Variants in PODXL2 observed in about 807,000 individuals in gnomAD.
PODXL2 encodes the protein podocalyxin-like protein 2.
A neutral mutation model predicts 53.4 loss-of-function variants in PODXL2; 17 were observed. The ratio of observed to expected loss-of-function variants is 0.32; its 90% CI spans 0.22 to 0.48. The LOEUF is 0.48. PODXL2 is among the 20% of genes least tolerant of loss of function. The pLI, the probability that PODXL2 is intolerant of heterozygous loss-of-function variation, is 0.99. For missense variants in PODXL2, 673 were observed against 760.0 expected, an observed-to-expected ratio of 0.89 and a Z score of 1.35; for synonymous variants, 311 against 306.7, an observed-to-expected ratio of 1.01 and a Z score of -0.15.
chr3:127,657,825 C>T (rs955859029), intron 2 of PODXL2, among the ~76,000 whole-genome samples: 1 of 152,164 alleles, frequency 6.6e-6, no homozygotes, highest in Admixed American at 6.5e-5. Flanking sequence ...ATAGATCTGG[C>T]TATTATAAAG....
intron 1 of PODXL2, among the ~76,000 whole-genome samples, chr3:127,638,647 G>A (rs952634776): frequency 2.6e-5 from 4 of 152,044 alleles, no homozygotes; most frequent in Non-Finnish European, 4.4e-5. Flanking sequence ...CCTGGGAGGC[G>A]GAGATTGCAG....
chr3:127,634,317 C>T (rs1043494355), intron 1 of PODXL2, among the ~76,000 whole-genome samples: 16 of 151,822 alleles, frequency 1.1e-4, no homozygotes, highest in East Asian at 1.9e-4. Context: ...CCCTGCTACT[C>T]GGGAGGCTGA....
intron 1 of PODXL2, among the ~76,000 whole-genome samples, chr3:127,633,503 G>T (rs1359559516): frequency 6.9e-5 from 10 of 145,086 alleles, no homozygotes; most frequent in African/African-American, 1.3e-4. Context: ...TGTGTGTGTG[G>T]GAGAAACCAG....
chr3:127,640,477 G>A (rs2074608885), intron 2 of PODXL2, among the ~76,000 whole-genome samples: 1 of 152,088 alleles, frequency 6.6e-6, no homozygotes, highest in African/African-American at 2.4e-5. Flanking sequence ...GAGGCGGGTG[G>A]ATCACTTGGG....
At chr3:127,630,100 A>G (rs1258071301) in intron 1 of PODXL2, among the ~76,000 whole-genome samples, 1 of 151,830 alleles carries the variant, frequency 6.6e-6, no homozygotes, top group African/African-American at 2.4e-5. Flanking sequence ...TCCAGCGCAG[A>G]CGGGGATTTA....
intron 4 of PODXL2, chr3:127,665,982 T>C (rs1293146847): frequency 2.2e-6 from 1 of 456,666 alleles, no homozygotes; most frequent in African/African-American, 2.0e-5. Flanking sequence ...GTGTCACTGC[T>C]TCTAGGCCCT....
At chr3:127,651,229 C>T (rs1037141238) in intron 2 of PODXL2, among the ~76,000 whole-genome samples, 7 of 152,180 alleles carry the variant, frequency 4.6e-5, no homozygotes, top group South Asian at 2.1e-4. Context: ...TGCCATTGCA[C>T]TCCAGCCTGG....
At chr3:127,635,821 A>G (rs925936723) in intron 1 of PODXL2, among the ~76,000 whole-genome samples, 4 of 152,228 alleles carry the variant, frequency 2.6e-5, no homozygotes, top group South Asian at 2.1e-4. Context: ...TAGTTTGGCA[A>G]TTTAGGCTGC....
In PODXL2 at chr3:127,672,416, C is replaced by T; in HGVS notation, c.1754C>T (p.Ala585Val). The T allele has an allele frequency of 6.5e-7, 1 of 1,541,838 alleles. No homozygotes were observed. The highest frequency in any genetic ancestry group is 8.7e-7 in the Non-Finnish European group (1 of 1,145,244). ...GALNGPGSWG[A>V]LMGGKRDPED... ...CTCAACGGCCCGGGGAGCTGGGGGG[C>T]GCTCATGGGGGGCAAGCGGGACCCC... The change falls in exon 8 of 8, where the codon GCG becomes GTG. Residue 585 changes from alanine (A) to valine (V), a missense_variant. Physicochemically the swap from Ala to Val is moderately conservative, Grantham distance 64 (BLOSUM62 0). Transcript: ENST00000342480.
At position 127,659,501 on chromosome 3, in the gene PODXL2, A is replaced by G. The variant is rs149662404; in HGVS notation, c.350-877A>G. On this transcript the variant is annotated intron_variant, in intron 2 of 7. Coordinates refer to ENST00000342480, the MANE Select transcript of PODXL2 (RefSeq NM_015720.4). ...TTCTAAAGAGTATTTTAAAACTACA[A>G]TATTTATTATTTTGAAACAAAATGG... Among the ~76,000 whole-genome samples the G allele has an allele frequency of 1.4e-4, 21 of 152,316 alleles. No individual in the cohort carries two copies. The South Asian group carries it at 2.1e-3, about 15-fold the overall frequency.
At chr3:127,644,195 T>G (rs1336022580) in intron 2 of PODXL2, among the ~76,000 whole-genome samples, 1 of 152,152 alleles carries the variant, frequency 6.6e-6, no homozygotes, top group Non-Finnish European at 1.5e-5. Context: ...TACTGCAACC[T>G]CTGCCTCCGA....
chr3:127,647,605 CA>C lies in PODXL2; in HGVS notation c.349+8083del, dbSNP rs527285545. ...TCCAGGAACAGGCTTCCAGCTCCAG[CA>C]CTCGGCGTGCCGCCCTCAACGTGCT... is the stretch of plus-strand genomic sequence containing the variant. On this transcript the variant is annotated intron_variant, in intron 2 of 7. Coordinates refer to ENST00000342480, the MANE Select transcript of PODXL2 (RefSeq NM_015720.4). Among the ~76,000 whole-genome samples the C allele has an allele frequency of 2.4e-3, 365 of 152,334 alleles. 2 individuals are homozygous for C. Among genetic ancestry groups the C allele is most frequent in the African/African-American group, 8.4e-3 (351 of 41,584 alleles).
intron 6 of PODXL2, among the ~76,000 whole-genome samples, chr3:127,671,217 C>T (rs2074832679): frequency 6.6e-6 from 1 of 152,138 alleles, no homozygotes; most frequent in Non-Finnish European, 1.5e-5. Flanking sequence ...AGGCTGGGAA[C>T]ATGGGCATGG....
chr3:127,671,639 G>T, intron 7 of PODXL2, 26 bp downstream of exon 7: 1 of 1,606,012 alleles, frequency 6.2e-7, no homozygotes. Context: ...GGTGGGGCTG[G>T]GGGCCAGTTG....
intron 2 of PODXL2, among the ~76,000 whole-genome samples, chr3:127,641,395 G>GAC (rs1485868838): frequency 6.7e-6 from 1 of 150,342 alleles, no homozygotes; most frequent in African/African-American, 2.5e-5. Flanking sequence ...TTTTTGTAGT[G>GAC]ATGGGGTCTT....
chr3:127,668,347 G>A, intron 4 of PODXL2, 94 bp from the exon 5 acceptor site: 1 of 1,162,986 alleles, frequency 8.6e-7, no homozygotes, highest in Non-Finnish European at 1.1e-6. Flanking sequence ...CAGCCAGAGG[G>A]TTGAGGGTGA....
intron 4 of PODXL2, among the ~76,000 whole-genome samples, chr3:127,665,550 A>C (rs891344661): frequency 4.6e-5 from 7 of 152,234 alleles, no homozygotes; most frequent in Non-Finnish European, 1.0e-4. Flanking sequence ...CAGGAAATCC[A>C]GAGGTGGTGT....
intron 4 of PODXL2, among the ~76,000 whole-genome samples, chr3:127,668,101 C>CGTGT (rs55716588): frequency 0.033 from 4,831 of 145,804 alleles, 92 homozygotes; most frequent in Admixed American, 0.043. Context: ...TACATGGCTG[C>CGTGT]GTGTGTGTGT....
intron 2 of PODXL2, among the ~76,000 whole-genome samples, chr3:127,650,651 G>T (rs984237846): frequency 4.0e-5 from 6 of 151,752 alleles, no homozygotes; most frequent in South Asian, 2.1e-4. Flanking sequence ...TTTTTTGTTT[G>T]TTTTTTTTGT....
Sources: allele counts gnomAD v4.1 joint callset (sites outside exome capture counted in the v4.1 genomes callset), GRCh38; gene constraint gnomAD v4.1.1; transcripts MANE v1.5; gene names NCBI Gene and HGNC (gene_info 2026-07-23, HGNC 2026-07-21).